DNAH11: variants seen among roughly 807,000 people sequenced by gnomAD.
DNAH11 encodes dynein axonemal heavy chain 11.
A neutral mutation model predicts 526.0 loss-of-function variants in DNAH11; 442 were observed. The ratio of observed to expected loss-of-function variants is 0.84; its 90% CI spans 0.78 to 0.91. DNAH11 has a LOEUF of 0.91. Among genes scored for constraint, DNAH11 ranks in the 40% least tolerant of loss-of-function variants. The pLI is 0.00. For missense variants in DNAH11, 6,989 were observed against 5,448.7 expected, an observed-to-expected ratio of 1.28 and a Z score of -8.90; for synonymous variants, 2,461 against 1,935.9, an observed-to-expected ratio of 1.27 and a Z score of -7.12.
intron 54 of DNAH11, among the ~76,000 whole-genome samples, chr7:21,752,742 C>G (rs918380832): frequency 1.2e-4 from 18 of 151,906 alleles, no homozygotes; most frequent in Middle Eastern, 3.2e-3. Context: ...GACAGAGTTT[C>G]ACTCTTGTTG....
At chr7:21,595,247 C>T (rs1203057440) in intron 14 of DNAH11, among the ~76,000 whole-genome samples, 1 of 152,194 alleles carries the variant, frequency 6.6e-6, no homozygotes, top group African/African-American at 2.4e-5. Flanking sequence ...ATAGGCAGTA[C>T]TTTCATTCAT....
At chr7:21,786,346 G>C (rs533434214) in intron 58 of DNAH11, among the ~76,000 whole-genome samples, 5 of 151,724 alleles carry the variant, frequency 3.3e-5, no homozygotes, top group Admixed American at 3.3e-4. Context: ...GCCTCAGTGA[G>C]CAGGGCTCTG....
chr7:21,801,333 TTTA>T, intron 62 of DNAH11, 58 bp downstream of exon 62: 1 of 1,593,222 alleles, frequency 6.3e-7, no homozygotes, highest in Non-Finnish European at 8.6e-7. Context: ...TTGTGGGGAT[TTTA>T]TTATTTGCCA....
At chr7:21,572,520 G>A (rs1783933278) in intron 8 of DNAH11, among the ~76,000 whole-genome samples, 1 of 152,174 alleles carries the variant, frequency 6.6e-6, no homozygotes, top group Admixed American at 6.5e-5. Context: ...AGTAGCCAGG[G>A]AGCTACCTGT....
At chr7:21,714,917 G>T (rs1177059706) in intron 42 of DNAH11, among the ~76,000 whole-genome samples, 1 of 152,178 alleles carries the variant, frequency 6.6e-6, no homozygotes, top group African/African-American at 2.4e-5. Flanking sequence ...CACAACTTTA[G>T]ATCATACTCT....
At chr7:21,788,567 C>G (rs67825435) in intron 60 of DNAH11, among the ~76,000 whole-genome samples, 44,805 of 151,894 alleles carry the variant, frequency 0.29, 8,122 homozygotes, top group Non-Finnish European at 0.41. Flanking sequence ...TAATTTCCTT[C>G]CTCTCTCCCC....
chr7:21,874,308 G>T (rs1313959214), intron 74 of DNAH11, among the ~76,000 whole-genome samples: 1 of 143,518 alleles, frequency 7.0e-6, no homozygotes, highest in Non-Finnish European at 1.5e-5. Flanking sequence ...TCCAAGATAA[G>T]ACAAATGAAT....
chr7:21,646,138 A>G (rs1369975477), intron 28 of DNAH11, among the ~76,000 whole-genome samples: 1 of 151,972 alleles, frequency 6.6e-6, no homozygotes, highest in Admixed American at 6.6e-5. Flanking sequence ...CTTAGTTCAC[A>G]AAAAAAAGAT....
chr7:21,776,257 A>G (rs1787668148), intron 56 of DNAH11, among the ~76,000 whole-genome samples: 1 of 152,222 alleles, frequency 6.6e-6, no homozygotes, highest in African/African-American at 2.4e-5. Context: ...AGTCTGATGG[A>G]AAGACTGACG....
rs1480637999 is a variant in DNAH11 at position 21,601,379 on chromosome 7, A to G, written c.3426-17A>G. 2.5e-6 allele frequency: 4 copies of G among 1,597,444 alleles called. No individual in the cohort carries two copies. The highest frequency in any genetic ancestry group is 1.7e-5 in the Admixed American group (1 of 59,168). ...AAACTTAATTTGTGTGTATCTATGT[A>G]CATATATATTTAATAGTCTGAATGA... On this transcript the variant is annotated splice_polypyrimidine_tract_variant and intron_variant, in intron 17 of 81. Transcript: ENST00000409508.
chr7:21,880,253 C>T (rs927958767), intron 74 of DNAH11, among the ~76,000 whole-genome samples: 7 of 152,214 alleles, frequency 4.6e-5, no homozygotes, highest in Middle Eastern at 3.4e-3. Context: ...GGCTGGGAAA[C>T]AGTCAAGGGT....
At chr7:21,723,894 A>T (rs547915299) in intron 44 of DNAH11, among the ~76,000 whole-genome samples, 46 of 152,290 alleles carry the variant, frequency 3.0e-4, no homozygotes, top group African/African-American at 1.0e-3. Flanking sequence ...TGCCTCTGTT[A>T]TTCTCACTTA....
intron 54 of DNAH11, among the ~76,000 whole-genome samples, chr7:21,765,225 C>CTA (rs1787122513): frequency 6.6e-5 from 10 of 151,948 alleles, no homozygotes; most frequent in Admixed American, 3.9e-4. Context: ...AGCAGTGTTT[C>CTA]TGTGTCCAGT....
intron 36 of DNAH11, among the ~76,000 whole-genome samples, chr7:21,702,270 G>A (rs1418410250): frequency 1.3e-5 from 2 of 152,178 alleles, no homozygotes; most frequent in Admixed American, 6.5e-5. Context: ...CTGATTAAGA[G>A]GTGGAGTAAT....
Position 21,739,159 on chromosome 7 carries a change from C to G in DNAH11, c.7811+293C>G, listed in dbSNP as rs1251824764. The stretch of plus-strand genomic sequence containing the variant: ...ATCATGTCCTCTTTAAGAATTAACT[C>G]ACACTTAATTATTTAAGAGAAATTT... On this transcript the variant is annotated intron_variant, in intron 47 of 81. Transcript: ENST00000409508. Among the ~76,000 whole-genome samples the G allele has an allele frequency of 1.3e-5, 2 of 152,240 alleles. 1 individual carries two copies. The highest frequency in any genetic ancestry group is 4.2e-4 in the South Asian group (2 of 4,812).
intron 58 of DNAH11, 83 bp downstream of exon 58, chr7:21,784,623 T>C (rs1010590588): frequency 5.1e-6 from 5 of 978,398 alleles, no homozygotes; most frequent in Admixed American, 6.2e-5. Context: ...GCTGAGAGAG[T>C]AGCCCATTAC....
Position 21,599,878 on chromosome 7 carries a change from T to C in DNAH11, c.2759T>C (p.Phe920Ser). The C allele has an allele frequency of 1.9e-6, 3 of 1,611,548 alleles. No homozygotes were observed. Among genetic ancestry groups the C allele is most frequent in the Non-Finnish European group, 2.5e-6 (3 of 1,178,318 alleles). The change falls in exon 15 of 82, where the codon TTT (phenylalanine) becomes TCT (serine). Residue 920 changes from phenylalanine to serine, a missense_variant. By Grantham distance (155) the Phe-to-Ser change is radical. Transcript: ENST00000409508. ...GACGACATTGTGGTGGAAGGCTTTTTTCAGGCTATAATGCACGACTTAGAC... is the reference window on the plus strand; with the variant it reads ...GACGACATTGTGGTGGAAGGCTTTTCTCAGGCTATAATGCACGACTTAGAC... Reference protein sequence around the residue: ...FIDDIVVEGFFQAIMHDLDFF... With the variant: ...FIDDIVVEGFSQAIMHDLDFF...
At chr7:21,553,673 C>T (rs1783107383) in intron 2 of DNAH11, among the ~76,000 whole-genome samples, 1 of 152,194 alleles carries the variant, frequency 6.6e-6, no homozygotes, top group Admixed American at 6.5e-5. Context: ...AACATCCCCT[C>T]ATAGTCTTAG....
intron 71 of DNAH11, among the ~76,000 whole-genome samples, chr7:21,866,892 G>A (rs968404126): frequency 6.6e-6 from 1 of 152,180 alleles, no homozygotes; most frequent in African/African-American, 2.4e-5. Context: ...TCTGAAATCA[G>A]TACTGGAGAC....
Sources: allele counts gnomAD v4.1 joint callset (sites outside exome capture counted in the v4.1 genomes callset), GRCh38; gene constraint gnomAD v4.1.1; transcripts MANE v1.5; gene names NCBI Gene and HGNC (gene_info 2026-07-23, HGNC 2026-07-21).